The following MARCHF1 variants were observed in gnomAD, a reference collection of about 807,000 sequenced individuals.
MARCHF1 encodes membrane associated ring-CH-type finger 1.
A neutral mutation model predicts 54.2 loss-of-function variants in MARCHF1; 40 were observed. That is an observed-to-expected ratio of 0.74 (90% CI 0.57 to 0.96). The LOEUF (loss-of-function observed/expected upper bound fraction) is 0.96, where lower values mean the gene tolerates loss of function less well. Among genes scored for constraint, MARCHF1 ranks in the 40% least tolerant of loss-of-function variants. The pLI is 0.00. For synonymous variants in MARCHF1, 236 were observed against 236.3 expected (o/e 1.00, Z 0.01); for missense variants, 586 against 656.5 (o/e 0.89, Z 1.17).
At chr4:164,305,947 A>G (rs932007338) in intron 1 of MARCHF1, among the ~76,000 whole-genome samples, 13 of 152,140 alleles carry the variant, frequency 8.5e-5, no homozygotes, top group Admixed American at 7.9e-4. Flanking sequence ...GTACCGCAGC[A>G]TGTTAAATAA....
chr4:163,528,522 T>G lies in MARCHF1; in HGVS notation c.*226A>C, dbSNP rs761940640. ...TCTTGGAAATCATTCTCTTGCAAAC[T>G]TCACATTTCCATATCATACTTTACT... On this transcript the variant is annotated 3_prime_UTR_variant, in exon 10 of 10. Transcript: ENST00000514618. 8 of 484,460 alleles carry G rather than the reference T, an allele frequency of 1.7e-5. No individual in the cohort carries two copies. Among genetic ancestry groups the G allele is most frequent in the Non-Finnish European group, 2.6e-5 (7 of 274,092 alleles). 30.0% of individuals were successfully genotyped at this position (484,460 alleles called of 1,614,324 possible). A position where few individuals can be genotyped will look rare whatever the true frequency, so the allele number is the denominator to read the frequency against.
At chr4:163,620,905 A>C (rs902908239) in intron 5 of MARCHF1, among the ~76,000 whole-genome samples, 1 of 152,220 alleles carries the variant, frequency 6.6e-6, no homozygotes, top group African/African-American at 2.4e-5. Context: ...TAATGAGAAA[A>C]GTAATTCTTT....
At chr4:163,736,855 GTC>G (rs1746048662) in intron 4 of MARCHF1, among the ~76,000 whole-genome samples, 1 of 152,046 alleles carries the variant, frequency 6.6e-6, no homozygotes, top group Non-Finnish European at 1.5e-5. Flanking sequence ...TAAAAATAAA[GTC>G]TTGCATAAAA....
At chr4:163,774,738 C>A (rs1039197955) in intron 4 of MARCHF1, among the ~76,000 whole-genome samples, 7 of 152,064 alleles carry the variant, frequency 4.6e-5, no homozygotes, top group Non-Finnish European at 8.8e-5. Context: ...TCAAATGATT[C>A]ACCCACCTCA....
chr4:163,913,501 C>T (rs1478229499), intron 3 of MARCHF1, among the ~76,000 whole-genome samples: 1 of 152,118 alleles, frequency 6.6e-6, no homozygotes, highest in African/African-American at 2.4e-5. Flanking sequence ...TTGCTATTTT[C>T]CCTACATCCC....
intron 5 of MARCHF1, among the ~76,000 whole-genome samples, chr4:163,698,114 A>G (rs895000202): frequency 2.6e-5 from 4 of 152,160 alleles, no homozygotes; most frequent in African/African-American, 9.6e-5. Context: ...ATGTTAAATA[A>G]CCTTCCTAAG....
intron 4 of MARCHF1, among the ~76,000 whole-genome samples, chr4:163,794,779 C>T (rs1190442374): frequency 6.6e-6 from 1 of 152,078 alleles, no homozygotes; most frequent in Non-Finnish European, 1.5e-5. Context: ...GAGATCTGAG[C>T]CTCAAACTTA....
At chr4:163,588,310 C>G (rs969495429) in intron 7 of MARCHF1, among the ~76,000 whole-genome samples, 5 of 152,124 alleles carry the variant, frequency 3.3e-5, no homozygotes, top group Non-Finnish European at 5.9e-5. Flanking sequence ...TAGCTTCTCT[C>G]CAAACCTAGG....
At chr4:163,853,268 A>C (rs1200004722) in intron 4 of MARCHF1, among the ~76,000 whole-genome samples, 1 of 152,060 alleles carries the variant, frequency 6.6e-6, no homozygotes, top group Non-Finnish European at 1.5e-5. Context: ...AGGCTAATCA[A>C]AACACTTTCA....
chr4:164,147,522 A>T (rs1729786139), intron 1 of MARCHF1, among the ~76,000 whole-genome samples: 1 of 125,364 alleles, frequency 8.0e-6, no homozygotes, highest in Non-Finnish European at 1.6e-5. Context: ...TGTCCTTTGT[A>T]GGGACATGGA....
At chr4:164,093,210 G>A (rs1231375058) in intron 2 of MARCHF1, among the ~76,000 whole-genome samples, 1 of 152,044 alleles carries the variant, frequency 6.6e-6, no homozygotes, top group African/African-American at 2.4e-5. Flanking sequence ...ACCTTAAAGT[G>A]TGGTTTTTAA....
chr4:164,110,853 GA>G (rs1294090380), intron 2 of MARCHF1, among the ~76,000 whole-genome samples: 2 of 151,718 alleles, frequency 1.3e-5, no homozygotes, highest in South Asian at 2.1e-4. Context: ...TAAAGGAGGG[GA>G]AAATCCATTT....
chr4:163,896,553 G>A (rs746202785), intron 3 of MARCHF1, among the ~76,000 whole-genome samples: 4 of 151,766 alleles, frequency 2.6e-5, no homozygotes, highest in African/African-American at 4.8e-5. Flanking sequence ...GTCCCTCTAC[G>A]ACACTTCTTC....
chr4:163,726,718 C>A (rs550916266), intron 4 of MARCHF1, among the ~76,000 whole-genome samples: 10 of 152,292 alleles, frequency 6.6e-5, no homozygotes, highest in Admixed American at 1.3e-4. Flanking sequence ...TTTGCATTCC[C>A]AGTAGCAATA....
Position 163,932,725 on chromosome 4 carries a change from A to C in MARCHF1, c.-39+55776T>G, listed in dbSNP as rs1168344863. 7.4e-6 allele frequency: 4 copies of C among 539,078 alleles called. No homozygotes were observed. In the East Asian group the frequency reaches 1.8e-4, roughly 24 times the overall value. The allele number at this position is 539,078 out of a possible 1,614,324, so 33.4% of individuals were successfully genotyped here. The stretch of plus-strand genomic sequence containing the variant: ...ATCTTAAACATCGAGCAGAAGACAG[A>C]CACCTCCGACAAGAAGTTGCAGCTG... On this transcript the variant is annotated intron_variant, in intron 3 of 9. Coordinates refer to ENST00000514618, the MANE Select transcript of MARCHF1 (RefSeq NM_001394959.1).
chr4:163,528,635 G>T lies in MARCHF1; in HGVS notation c.*113C>A. On this transcript the variant is annotated 3_prime_UTR_variant, in exon 10 of 10. Transcript: ENST00000514618. The stretch of plus-strand genomic sequence containing the variant: ...GAACAAAGTCAGGAAAAATGTGTCA[G>T]TAGGAGAAAGGAGGAGCTGAAGGGA... 1 of 1,093,494 alleles carries T rather than the reference G, an allele frequency of 9.1e-7. No homozygotes were observed. The highest frequency in any genetic ancestry group is 1.3e-6 in the Non-Finnish European group (1 of 770,468). The allele number at this position is 1,093,494 out of a possible 1,614,324, so 67.7% of individuals were successfully genotyped here.
At chr4:163,583,950 C>G (rs1740323000) in intron 8 of MARCHF1, 2 of 151,416 alleles carry the variant, frequency 1.3e-5, no homozygotes, top group Non-Finnish European at 2.9e-5. Context: ...AGCCACCGTG[C>G]CTGGTCCATT....
Position 163,861,687 on chromosome 4 carries a change from A to C in MARCHF1, c.-38-7518T>G, listed in dbSNP as rs190665041. 2.6e-5 allele frequency among the ~76,000 whole-genome samples: 4 copies of C among 152,208 alleles called. No homozygotes were observed. The East Asian group carries it at 7.7e-4, about 29-fold the overall frequency. On this transcript the variant is annotated intron_variant, in intron 3 of 9. Coordinates refer to ENST00000514618, the MANE Select transcript of MARCHF1 (RefSeq NM_001394959.1). ...CTATACATTTCATACAATCTGAATA[A>C]AAATCCTAGAAAAGTATTTTATAGA...
chr4:164,176,977 T>A (rs1036939398), intron 1 of MARCHF1, among the ~76,000 whole-genome samples: 2 of 18,394 alleles, frequency 1.1e-4, no homozygotes, highest in Non-Finnish European at 1.4e-4. Context: ...TCTCTCTCTC[T>A]CTCTATATAT....
Sources: gnomAD v4.1 joint callset for allele counts (sites outside exome capture counted in the v4.1 genomes callset) on GRCh38, gnomAD v4.1.1 for gene constraint, MANE v1.5 for transcripts, NCBI Gene and HGNC (gene_info 2026-07-23, HGNC 2026-07-21) for gene names.